Variants in GMPPB observed in about 807,000 individuals in gnomAD.
GMPPB encodes mannose-1-phosphate guanylyltransferase catalytic subunit beta.
Under a neutral mutation model 40.3 loss-of-function variants are expected in GMPPB, and 38 were observed. The ratio of observed to expected loss-of-function variants is 0.94; its 90% confidence interval spans 0.73 to 1.24. The LOEUF is 1.24. Ranked by LOEUF, GMPPB falls within the 50% of genes most tolerant of loss-of-function variation. The probability of loss-of-function intolerance (pLI) is 0.00; values close to 1 mark genes in which losing one functional copy is unlikely to be tolerated. For missense variants in GMPPB, 436 were observed against 487.1 expected (o/e 0.90, Z 0.99); for synonymous variants, 193 against 191.8 (o/e 1.01, Z -0.05).
Position 49,720,410 on chromosome 3 carries a change from T to TGATC in GMPPB, c.*1338_*1341dup. ...GGAGACGGAAAGGATGCAGGGGGGG[T>TGATC]GATCATGTACGAGCCATGGCACTCC... On this transcript the variant is annotated 3_prime_UTR_variant, in exon 9 of 9. Coordinates refer to ENST00000308388, the MANE Select transcript of GMPPB (RefSeq NM_021971.4). 8.5e-7 allele frequency: 1 copy of TGATC among 1,174,624 alleles called. No homozygotes were observed. Among genetic ancestry groups the TGATC allele is most frequent in the Non-Finnish European group, 1.1e-6 (1 of 884,994 alleles). The allele number at this position is 1,174,624 out of a possible 1,614,324, so 72.8% of individuals were successfully genotyped here. A position where few individuals can be genotyped will look rare whatever the true frequency, so the allele number is the denominator to read the frequency against.
In GMPPB at chr3:49,720,439, T is replaced by C. The variant is rs771541895; in HGVS notation, c.*1313A>G. On this transcript the variant is annotated 3_prime_UTR_variant, in exon 9 of 9. Transcript: ENST00000308388. The stretch of plus-strand genomic sequence containing the variant: ...CATGTACGAGCCATGGCACTCCTCA[T>C]TGGCAATCCCAAGAGAGACTTTTAG... 6 of 1,455,318 alleles carry C rather than the reference T, an allele frequency of 4.1e-6. No individual in the cohort carries two copies. Among genetic ancestry groups the C allele is most frequent in the Non-Finnish European group, 4.6e-6 (5 of 1,093,226 alleles). 90.2% of individuals were successfully genotyped at this position (1,455,318 alleles called of 1,614,324 possible).
Position 49,720,670 on chromosome 3 carries a change from G to A in GMPPB, c.*1082C>T. The A allele has an allele frequency of 6.3e-7, 1 of 1,595,196 alleles. No individual in the cohort carries two copies. Among genetic ancestry groups the A allele is most frequent in the Non-Finnish European group, 8.6e-7 (1 of 1,166,182 alleles). On this transcript the variant is annotated 3_prime_UTR_variant, in exon 9 of 9. Coordinates refer to ENST00000308388, the MANE Select transcript of GMPPB (RefSeq NM_021971.4). ...TGCAGAGCTGTGAGTGGGCTGGTGG[G>A]GCAGGTCAGGGAAATCTGGGGCTGG...
rs945577510 is a variant in GMPPB at position 49,720,485 on chromosome 3, C to T, written c.*1267G>A. 2.0e-6 allele frequency: 3 copies of T among 1,521,596 alleles called. No homozygotes were observed. The highest frequency in any genetic ancestry group is 2.6e-6 in the Non-Finnish European group (3 of 1,133,326). The allele number at this position is 1,521,596 out of a possible 1,614,324, so 94.3% of individuals were successfully genotyped here. A position where few individuals can be genotyped will look rare whatever the true frequency, so the allele number is the denominator to read the frequency against. ...TTTAGCCAGGCCCCAAGCCTTCTGACTGCCCTTGCACCCTCCCCTACCTAG... is the reference window on the plus strand; with the variant it reads ...TTTAGCCAGGCCCCAAGCCTTCTGATTGCCCTTGCACCCTCCCCTACCTAG... On this transcript the variant is annotated 3_prime_UTR_variant, in exon 9 of 9. Transcript: ENST00000308388.
In GMPPB at chr3:49,720,317, G is replaced by GA. The variant is rs370438853; in HGVS notation, c.*1434dup. The GA allele has an allele frequency of 0.23, 79,508 of 338,716 alleles. 22 individuals are homozygous for GA. The highest frequency in any genetic ancestry group is 0.31 in the Middle Eastern group (394 of 1,282). 21.0% of individuals were successfully genotyped at this position (338,716 alleles called of 1,614,324 possible). ...GGCAACAGAGCGAGACTCGTCTCAA[G>GA]AAAAAAAAAAAAAAAACAGGCTGTG... is the stretch of plus-strand genomic sequence containing the variant. On this transcript the variant is annotated 3_prime_UTR_variant, in exon 9 of 9. Transcript: ENST00000308388.
chr3:49,721,746 A>C lies in GMPPB; in HGVS notation c.*6T>G. On this transcript the variant is annotated 3_prime_UTR_variant, in exon 9 of 9. Coordinates refer to ENST00000308388, the MANE Select transcript of GMPPB (RefSeq NM_021971.4). ...ACCGGGGCTCGGCCAGCCCCACTGC[A>C]TCCCCTCACATGATGATACGAGGCT... The C allele has an allele frequency of 6.3e-7, 1 of 1,592,456 alleles. No homozygotes were observed.
In GMPPB at chr3:49,723,155, A is replaced by G. The variant is rs752558648; in HGVS notation, c.260-41T>C. The G allele has an allele frequency of 9.9e-6, 16 of 1,612,870 alleles. No individual in the cohort carries two copies. The Admixed American group carries it at 1.0e-4, about 10-fold the overall frequency. On this transcript the variant is annotated intron_variant, in intron 3 of 8. Coordinates refer to ENST00000308388, the MANE Select transcript of GMPPB (RefSeq NM_021971.4). ...AGGTCACCACCTTGCTGGAGGTCTG[A>G]GTCCCTGGATTCAGGCTCAGCAGGC...
chr3:49,722,382 G>T (rs778386041), intron 6 of GMPPB, 24 bp from the exon 7 acceptor site: 1 of 1,613,414 alleles, frequency 6.2e-7, no homozygotes, highest in African/African-American at 1.3e-5. Flanking sequence ...TGCATCAGGG[G>T]CCTCAGCCCA....
chr3:49,722,341 C>A lies in GMPPB; in HGVS notation c.658G>T (p.Gly220Trp). 1 of 1,613,894 alleles carries A rather than the reference C, an allele frequency of 6.2e-7. No individual in the cohort carries two copies. The highest frequency in any genetic ancestry group is 8.5e-7 in the Non-Finnish European group (1 of 1,179,964). The change falls in exon 7 of 9, where the codon GGG becomes TGG. Residue 220 changes from glycine (G) to tryptophan (W), a missense_variant. Gly to Trp is a radical substitution (Grantham distance 184, BLOSUM62 -2). Coordinates refer to ENST00000308388, the MANE Select transcript of GMPPB (RefSeq NM_021971.4). The part of the protein sequence containing the change: ...MELQGFWMDI[G>W]QPKDFLTGMC... ...CCAGTGAGGAAGTCCTTGGGCTGCC[C>A]AATGTCCATCCAGAAGCCTGTAGGG... is the stretch of plus-strand genomic sequence containing the variant.
rs1164452780 is a variant in GMPPB at position 49,722,435 on chromosome 3, G to T, written c.637C>A (p.Gln213Lys). 6.2e-7 allele frequency: 1 copy of T among 1,614,042 alleles called. No individual in the cohort carries two copies. Among genetic ancestry groups the T allele is most frequent in the South Asian group, 1.1e-5 (1 of 91,092 alleles). ...KEGQLYAMEL[Q>K]GFWMDIGQPK... ...CCCTGTGGCCTCCCTGCCTCACCCT[G>T]TAACTCCATGGCATATAGCTGCCCC... The change falls in exon 6 of 9, where the codon CAG (glutamine) becomes AAG (lysine). Residue 213 changes from glutamine to lysine, a missense_variant. Coordinates refer to ENST00000308388, the MANE Select transcript of GMPPB (RefSeq NM_021971.4).
Position 49,721,795 on chromosome 3 carries a change from T to C in GMPPB, c.1040A>G (p.Lys347Arg), listed in dbSNP as rs776117691. The change falls in exon 9 of 9, where the codon AAG (lysine) becomes AGG (arginine). Residue 347 changes from lysine to arginine, a missense_variant. Lys to Arg is a conservative substitution (Grantham distance 26). Transcript: ENST00000308388. The part of the protein sequence containing the change: ...YLNGASVLPH[K>R]SIGESVPEPR... ...CTCTGGCACTGACTCGCCAATAGAC[T>C]TGTGGGGCAGCACGCTGGCTCCGTT... The C allele has an allele frequency of 1.1e-5, 17 of 1,611,792 alleles. No homozygotes were observed. The highest frequency in any genetic ancestry group is 1.4e-5 in the Non-Finnish European group (16 of 1,179,864).
chr3:49,722,402 C>T lies in GMPPB; in HGVS notation c.640+30G>A, dbSNP rs1224162723. The T allele has an allele frequency of 2.5e-6, 4 of 1,613,446 alleles. 1 individual carries two copies. In the Admixed American group the frequency reaches 6.7e-5, roughly 27 times the overall value. ...CAGGGGCCTCAGCCCAGCCACAGAC[C>T]ACCCCCACCCTGTGGCCTCCCTGCC... On this transcript the variant is annotated intron_variant, in intron 6 of 8. Transcript: ENST00000308388.
At position 49,721,687 on chromosome 3, in the gene GMPPB, G is replaced by GTGTC. The variant is rs2080411233; in HGVS notation, c.*61_*64dup. The stretch of plus-strand genomic sequence containing the variant: ...AATGACAAGTCCAGGGTCTTCTGAT[G>GTGTC]TGTCAGGCCAGCACTCCCCTTGCTG... On this transcript the variant is annotated 3_prime_UTR_variant, in exon 9 of 9. Coordinates refer to ENST00000308388, the MANE Select transcript of GMPPB (RefSeq NM_021971.4). 2.1e-6 allele frequency: 3 copies of GTGTC among 1,435,594 alleles called. No individual in the cohort carries two copies. Among genetic ancestry groups the GTGTC allele is most frequent in the Non-Finnish European group, 1.9e-6 (2 of 1,049,136 alleles). 88.9% of individuals were successfully genotyped at this position (1,435,594 alleles called of 1,614,324 possible).
At chr3:49,722,920 G>A (rs1327803839) in intron 4 of GMPPB, 52 bp downstream of exon 4, 3 of 1,591,794 alleles carry the variant, frequency 1.9e-6, no homozygotes, top group African/African-American at 2.7e-5. Context: ...GGGCATGGGA[G>A]GCTGGGCATG....
At position 49,720,507 on chromosome 3, in the gene GMPPB, C is replaced by T; in HGVS notation, c.*1245G>A. ...TGACTGCCCTTGCACCCTCCCCTAC[C>T]TAGGAGAGAGCAAGCCACATCAGTG... On this transcript the variant is annotated 3_prime_UTR_variant, in exon 9 of 9. Coordinates refer to ENST00000308388, the MANE Select transcript of GMPPB (RefSeq NM_021971.4). 1 of 1,572,868 alleles carries T rather than the reference C, an allele frequency of 6.4e-7. No individual in the cohort carries two copies. The highest frequency in any genetic ancestry group is 8.6e-7 in the Non-Finnish European group (1 of 1,158,228).
rs918048550 is a variant in GMPPB, at chr3:49,721,538, C to T, written c.*214G>A. 53 of 803,110 alleles carry T rather than the reference C, an allele frequency of 6.6e-5. No homozygotes were observed. Among genetic ancestry groups the T allele is most frequent in the East Asian group, 5.3e-5 (2 of 37,894 alleles). 49.7% of individuals were successfully genotyped at this position (803,110 alleles called of 1,614,324 possible). On this transcript the variant is annotated 3_prime_UTR_variant, in exon 9 of 9. Transcript: ENST00000308388. ...AATTATTATTCCATACAGCCCTGGC[C>T]CTGGCCCTTCTTGAGGGAGTGGGGT... is the stretch of plus-strand genomic sequence containing the variant.
In GMPPB at chr3:49,722,528, T is replaced by C. The variant is rs1281559143; in HGVS notation, c.562-18A>G. ...GGCTGCAGCTGTGGGAGTGGGCAGC[T>C]TGTGAGCAGGGTCATGGCGGTGATG... On this transcript the variant is annotated intron_variant, in intron 5 of 8. Coordinates refer to ENST00000308388, the MANE Select transcript of GMPPB (RefSeq NM_021971.4). The C allele has an allele frequency of 6.2e-7, 1 of 1,614,094 alleles. No individual in the cohort carries two copies. Among genetic ancestry groups the C allele is most frequent in the Non-Finnish European group, 8.5e-7 (1 of 1,179,966 alleles).
intron 2 of GMPPB, 37 bp downstream of exon 2, chr3:49,723,354 CG>C: frequency 6.2e-7 from 1 of 1,614,040 alleles, no homozygotes; most frequent in African/African-American, 1.3e-5. Flanking sequence ...GGAAGTTGGG[CG>C]GGGACCGAGA....
At position 49,722,863 on chromosome 3, in the gene GMPPB, C is replaced by A. The variant is rs986589379; in HGVS notation, c.402+109G>T. ...TGCCCCAAGTGCTTAAAGATACATACTGCACAGCTCTGTATCCATAACATC... is the reference window on the plus strand; with the variant it reads ...TGCCCCAAGTGCTTAAAGATACATAATGCACAGCTCTGTATCCATAACATC... On this transcript the variant is annotated intron_variant, in intron 4 of 8. Transcript: ENST00000308388. 9 of 1,491,200 alleles carry A rather than the reference C, an allele frequency of 6.0e-6. No homozygotes were observed. The Admixed American group carries it at 9.5e-5, about 16-fold the overall frequency. 92.4% of individuals were successfully genotyped at this position (1,491,200 alleles called of 1,614,324 possible).
Position 49,720,176 on chromosome 3 carries a change from C to CGTG in GMPPB, c.*1573_*1575dup, listed in dbSNP as rs1228775598. The CGTG allele has an allele frequency of 5.6e-6, 1 of 178,168 alleles. No homozygotes were observed. Among genetic ancestry groups the CGTG allele is most frequent in the East Asian group, 1.5e-4 (1 of 6,738 alleles). The allele number at this position is 178,168 out of a possible 1,614,324, so 11.0% of individuals were successfully genotyped here. A position where few individuals can be genotyped will look rare whatever the true frequency, so the allele number is the denominator to read the frequency against. On this transcript the variant is annotated 3_prime_UTR_variant, in exon 9 of 9. Coordinates refer to ENST00000308388, the MANE Select transcript of GMPPB (RefSeq NM_021971.4). ...ACTAAAAATACAACAATTAGCCGGG[C>CGTG]GTGGTGGTGGGCGTCTGCAATTCCA...
Sources: gnomAD v4.1 joint callset for allele counts on GRCh38, gnomAD v4.1.1 for gene constraint, MANE v1.5 for transcripts, NCBI Gene and HGNC (gene_info 2026-07-23, HGNC 2026-07-21) for gene names.